Variants in ATP10B observed in about 807,000 individuals in gnomAD.
ATP10B encodes the protein phospholipid-transporting ATPase VB.
A neutral mutation model predicts 141.2 loss-of-function variants in ATP10B; 122 were observed. The ratio of observed to expected loss-of-function variants is 0.86; its 90% CI spans 0.75 to 1.00. The LOEUF is 1.00. ATP10B is among the 50% of genes least tolerant of loss of function. ATP10B has a pLI of 0.00. For synonymous variants in ATP10B, 685 were observed against 692.0 expected, an observed-to-expected ratio of 0.99 and a Z score of 0.16; for missense variants, 1,876 against 1,825.3, an observed-to-expected ratio of 1.03 and a Z score of -0.51.
chr5:160,842,324 C>A (rs1775858043), intron 1 of ATP10B, among the ~76,000 whole-genome samples: 1 of 151,820 alleles, frequency 6.6e-6, no homozygotes, highest in South Asian at 2.1e-4. Flanking sequence ...ATGGGATGCA[C>A]CTAAAGCTAT....
intron 3 of ATP10B, among the ~76,000 whole-genome samples, chr5:160,704,121 G>T (rs1323901546): frequency 6.6e-6 from 1 of 152,092 alleles, no homozygotes; most frequent in African/African-American, 2.4e-5. Context: ...GGAGTGCCAT[G>T]ATCATAGCTC....
intron 25 of ATP10B, among the ~76,000 whole-genome samples, chr5:160,566,216 G>A (rs183543019): frequency 2.0e-5 from 3 of 152,156 alleles, no homozygotes; most frequent in African/African-American, 7.2e-5. Context: ...GAAACTGAGG[G>A]ACTGAGAGAT....
chr5:160,737,481 G>C (rs752181235), intron 2 of ATP10B, among the ~76,000 whole-genome samples: 2 of 152,062 alleles, frequency 1.3e-5, no homozygotes, highest in Non-Finnish European at 2.9e-5. Context: ...TTGAAGATAT[G>C]ATCTTATATT....
intron 1 of ATP10B, among the ~76,000 whole-genome samples, chr5:160,839,694 G>A (rs1277139564): frequency 6.6e-6 from 1 of 151,918 alleles, no homozygotes; most frequent in Non-Finnish European, 1.5e-5. Context: ...TTCTCAAATT[G>A]ACCCATCAAA....
At chr5:160,761,237 A>G (rs1485020721) in intron 2 of ATP10B, among the ~76,000 whole-genome samples, 4 of 152,184 alleles carry the variant, frequency 2.6e-5, no homozygotes, top group Middle Eastern at 3.2e-3. Context: ...CATAATCAGC[A>G]TTCAAGAAAA....
chr5:160,882,695 A>G, the ATP10B span, among the ~76,000 whole-genome samples: 13 of 152,204 alleles, frequency 8.5e-5, no homozygotes, highest in African/African-American at 2.4e-4. Context: ...AAATTTGTCA[A>G]TTTAACAGGT....
the ATP10B span, among the ~76,000 whole-genome samples, chr5:160,897,771 C>T: frequency 6.6e-6 from 1 of 152,144 alleles, no homozygotes; most frequent in African/African-American, 2.4e-5. Flanking sequence ...GGAGGCATCA[C>T]ACTACCTGAC....
intron 3 of ATP10B, among the ~76,000 whole-genome samples, chr5:160,700,842 C>T (rs1764624996): frequency 6.6e-6 from 1 of 152,156 alleles, no homozygotes; most frequent in Non-Finnish European, 1.5e-5. Context: ...TCTCAGTTTG[C>T]CTCCAAACAG....
At chr5:160,797,820 G>T (rs576263747) in intron 1 of ATP10B, among the ~76,000 whole-genome samples, 7 of 152,130 alleles carry the variant, frequency 4.6e-5, no homozygotes, top group Non-Finnish European at 8.8e-5. Flanking sequence ...GCTGTGCATG[G>T]TGACACATGC....
the ATP10B span, among the ~76,000 whole-genome samples, chr5:160,919,022 A>G: frequency 0.94 from 139,825 of 149,418 alleles, 65,469 homozygotes; most frequent in Non-Finnish European, 0.95. Flanking sequence ...TCAGGAGATC[A>G]AGACCATCCT....
At chr5:160,792,222 G>T (rs1771623743) in intron 1 of ATP10B, among the ~76,000 whole-genome samples, 1 of 152,136 alleles carries the variant, frequency 6.6e-6, no homozygotes, top group Non-Finnish European at 1.5e-5. Flanking sequence ...CTTCTGGAAT[G>T]CAGGCCATCC....
chr5:160,831,671 G>C (rs1481664951), intron 1 of ATP10B, among the ~76,000 whole-genome samples: 1 of 151,988 alleles, frequency 6.6e-6, no homozygotes, highest in East Asian at 1.9e-4. Context: ...AAGCCCTTCT[G>C]GAATAGCAGA....
At position 160,636,186 on chromosome 5, in the gene ATP10B, A is replaced by T. The variant is rs368274980; in HGVS notation, c.1124T>A (p.Leu375His). The T allele has an allele frequency of 2.1e-5, 34 of 1,607,002 alleles. No individual in the cohort carries two copies. The highest frequency in any genetic ancestry group is 2.7e-5 in the Non-Finnish European group (32 of 1,176,740). Residue 375 changes from leucine (L) to histidine (H), a missense_variant, in exon 11 of 26, where the codon CTC (leucine) becomes CAC (histidine). Coordinates refer to ENST00000327245, the MANE Select transcript of ATP10B (RefSeq NM_025153.3). Reference sequence around the variant, plus strand: ...TAGTTAGGGAGGGCTTCCTACCTGGAGCAGGATGATCATTGTGAGGAACAT... The same window carrying T: ...TAGTTAGGGAGGGCTTCCTACCTGGTGCAGGATGATCATTGTGAGGAACAT... ...FYMFLTMIIL[L>H]QVLIPISLYV...
chr5:160,832,371 T>C (rs576706737), intron 1 of ATP10B, among the ~76,000 whole-genome samples: 86 of 152,256 alleles, frequency 5.6e-4, no homozygotes, highest in African/African-American at 1.9e-3. Context: ...AAATACTATA[T>C]AAATACTCAA....
At chr5:160,922,067 G>T in the ATP10B span, among the ~76,000 whole-genome samples, 1 of 152,328 alleles carries the variant, frequency 6.6e-6, no homozygotes, top group Non-Finnish European at 1.5e-5. Flanking sequence ...TCTAGAAAAT[G>T]ACATATTTTC....
At chr5:160,644,759 C>T (rs147172251) in intron 8 of ATP10B, among the ~76,000 whole-genome samples, 92 of 152,218 alleles carry the variant, frequency 6.0e-4, no homozygotes, top group African/African-American at 2.1e-3. Flanking sequence ...CCATGCCTGT[C>T]CCAGGAAACT....
At chr5:160,634,313 C>T (rs2127665507) in intron 12 of ATP10B, 41 bp downstream of exon 12, 4 of 1,613,944 alleles carry the variant, frequency 2.5e-6, no homozygotes, top group Non-Finnish European at 3.4e-6. Context: ...CAGGGTATTT[C>T]CTTTTAGAAA....
At chr5:160,855,545 T>C (rs1005960631), upstream of ATP10B, among the ~76,000 whole-genome samples, 1 of 151,830 alleles carries the variant, frequency 6.6e-6, no homozygotes, top group African/African-American at 2.4e-5. Flanking sequence ...GGTTGGGAAA[T>C]GTTTTCTTTC....
At chr5:160,909,544 ATCCTGT>A in the ATP10B span, among the ~76,000 whole-genome samples, 6 of 152,208 alleles carry the variant, frequency 3.9e-5, no homozygotes, top group Admixed American at 3.9e-4. Context: ...CAGGAGCAGG[ATCCTGT>A]TAGATATAGA....
Sources: allele counts gnomAD v4.1 joint callset (sites outside exome capture counted in the v4.1 genomes callset), GRCh38; gene constraint gnomAD v4.1.1; transcripts MANE v1.5; gene names NCBI Gene and HGNC (gene_info 2026-07-23, HGNC 2026-07-21).